Variants in SCAMP1 observed in about 807,000 individuals in gnomAD.
SCAMP1 encodes the protein secretory carrier-associated membrane protein 1.
Under a neutral mutation model 41.8 loss-of-function variants are expected in SCAMP1, and 15 were observed. That is an observed-to-expected ratio of 0.36 (90% CI 0.24 to 0.55). The LOEUF is 0.55. SCAMP1 is among the 20% of genes least tolerant of loss of function. SCAMP1 has a pLI of 0.86. For missense variants in SCAMP1, 341 were observed against 412.6 expected, an observed-to-expected ratio of 0.83 and a Z score of 1.50; for synonymous variants, 135 against 136.8, an observed-to-expected ratio of 0.99 and a Z score of 0.09.
In SCAMP1 at chr5:78,423,030, A is replaced by G. The variant is rs1277855268; in HGVS notation, c.632+1070A>G. 2.3e-4 allele frequency among the ~76,000 whole-genome samples: 14 copies of G among 59,994 alleles called. No homozygotes were observed. The East Asian group carries it at 3.1e-3, about 13-fold the overall frequency. The allele number at this position is 59,994 out of a possible 152,430, so 39.4% of individuals were successfully genotyped here. A position where few individuals can be genotyped will look rare whatever the true frequency, so the allele number is the denominator to read the frequency against. ...CACGCGCGCGCGCACACACACACAC[A>G]CACACACACACACACACACACAGAG... On this transcript the variant is annotated intron_variant, in intron 6 of 8. Coordinates refer to ENST00000621999, the MANE Select transcript of SCAMP1 (RefSeq NM_004866.6).
intron 1 of SCAMP1, among the ~76,000 whole-genome samples, chr5:78,377,430 G>T (rs1291738218): frequency 1.3e-5 from 2 of 152,166 alleles, no homozygotes; most frequent in Non-Finnish European, 2.9e-5. Context: ...ATGGGAATAG[G>T]ATTGGATTGA....
At chr5:78,465,905 A>G (rs560102730) in intron 8 of SCAMP1, among the ~76,000 whole-genome samples, 30 of 152,190 alleles carry the variant, frequency 2.0e-4, no homozygotes, top group Admixed American at 1.0e-3. Flanking sequence ...TGGATGGGGC[A>G]TACCCAGATA....
At chr5:78,454,652 G>A (rs1270221464) in intron 7 of SCAMP1, among the ~76,000 whole-genome samples, 1 of 151,444 alleles carries the variant, frequency 6.6e-6, no homozygotes, top group African/African-American at 2.4e-5. Flanking sequence ...CTCTTTTTTG[G>A]TTGTGTCTCT....
intron 6 of SCAMP1, among the ~76,000 whole-genome samples, chr5:78,422,688 T>C (rs1053723292): frequency 3.3e-5 from 5 of 152,234 alleles, no homozygotes; most frequent in African/African-American, 1.2e-4. Flanking sequence ...TTGTGCCTTA[T>C]GACTTGACCA....
Position 78,478,221 on chromosome 5 carries a change from AAG to A in SCAMP1, c.*2554_*2555del, listed in dbSNP as rs972763057. ...AATGTTGCATGTTTCAGTGGGTTGG[AAG>A]TTTTGTATATTTATTGTATTAACAC... On this transcript the variant is annotated 3_prime_UTR_variant, in exon 9 of 9. Coordinates refer to ENST00000621999, the MANE Select transcript of SCAMP1 (RefSeq NM_004866.6). 1.3e-5 allele frequency: 2 copies of A among 152,478 alleles called. No homozygotes were observed. Among genetic ancestry groups the A allele is most frequent in the Non-Finnish European group, 2.9e-5 (2 of 67,978 alleles). The allele number at this position is 152,478 out of a possible 1,614,324, so 9.4% of individuals were successfully genotyped here.
At chr5:78,411,020 A>G (rs535425888) in intron 2 of SCAMP1, among the ~76,000 whole-genome samples, 2 of 152,082 alleles carry the variant, frequency 1.3e-5, no homozygotes, top group African/African-American at 4.8e-5. Flanking sequence ...TAAGTTCCTT[A>G]TAGACTCTGG....
chr5:78,402,509 T>A (rs1399332938), intron 2 of SCAMP1, among the ~76,000 whole-genome samples: 1 of 152,180 alleles, frequency 6.6e-6, no homozygotes, highest in African/African-American at 2.4e-5. Context: ...TGTCATTAGG[T>A]GGATGTACAT....
chr5:78,403,679 G>A (rs1456507519), intron 2 of SCAMP1, among the ~76,000 whole-genome samples: 3 of 151,892 alleles, frequency 2.0e-5, no homozygotes, highest in Admixed American at 2.0e-4. Flanking sequence ...AATTAGCCAG[G>A]CATCAGCCTG....
intron 8 of SCAMP1, among the ~76,000 whole-genome samples, chr5:78,474,123 C>A (rs1304578490): frequency 6.6e-6 from 1 of 151,806 alleles, no homozygotes; most frequent in African/African-American, 2.4e-5. Context: ...AAGGCTGGGA[C>A]CATAGGTGTG....
At chr5:78,361,231 A>AT (rs1750641422) in intron 1 of SCAMP1, among the ~76,000 whole-genome samples, 1 of 85,998 alleles carries the variant, frequency 1.2e-5, no homozygotes, top group South Asian at 3.0e-4. Context: ...GTATGCTGCA[A>AT]TTAAAAAAAA....
At chr5:78,379,780 G>C (rs897937161) in intron 1 of SCAMP1, among the ~76,000 whole-genome samples, 14 of 152,174 alleles carry the variant, frequency 9.2e-5, no homozygotes, top group African/African-American at 3.4e-4. Context: ...AGTTGGACTC[G>C]TACTTCTGTG....
chr5:78,420,069 A>C (rs1375484501), intron 5 of SCAMP1, among the ~76,000 whole-genome samples: 1 of 151,818 alleles, frequency 6.6e-6, no homozygotes, highest in African/African-American at 2.4e-5. Context: ...ATTTTATTTT[A>C]TTTTGAGACA....
rs560337911 is a variant in SCAMP1, at chr5:78,475,374, T to C, written c.853-130T>C. The C allele has an allele frequency of 5.5e-6, 3 of 549,476 alleles. No homozygotes were observed. The South Asian group carries it at 1.6e-4, about 29-fold the overall frequency. 34.0% of individuals were successfully genotyped at this position (549,476 alleles called of 1,614,324 possible). On this transcript the variant is annotated intron_variant, in intron 8 of 8. Coordinates refer to ENST00000621999, the MANE Select transcript of SCAMP1 (RefSeq NM_004866.6). ...TATTGTGTGTCAGTTTGGTGGCTAA[T>C]ATTCTTGATCTTAGGAATCATGACT...
At position 78,479,838 on chromosome 5, in the gene SCAMP1, C is replaced by G. The variant is rs147576878; in HGVS notation, c.*4170C>G. Among the ~76,000 whole-genome samples, 6 of 151,856 alleles carry G rather than the reference C, an allele frequency of 4.0e-5. No homozygotes were observed. Among genetic ancestry groups the G allele is most frequent in the East Asian group, 1.9e-4 (1 of 5,174 alleles). On this transcript the variant is annotated 3_prime_UTR_variant, in exon 9 of 9. Transcript: ENST00000621999. ...TGGGCGGATCACGAGGTCAGGAGAT[C>G]GAAACCATCCTGGCTAACATGGTGA... is the stretch of plus-strand genomic sequence containing the variant.
At chr5:78,450,169 AT>A (rs1449362823) in intron 7 of SCAMP1, 135 bp downstream of exon 7, 1 of 583,714 alleles carries the variant, frequency 1.7e-6, no homozygotes, top group African/African-American at 2.0e-5. Flanking sequence ...TAAAAATACA[AT>A]TTTAAAATGT....
At chr5:78,468,336 A>T (rs1435792069) in intron 8 of SCAMP1, among the ~76,000 whole-genome samples, 1 of 152,182 alleles carries the variant, frequency 6.6e-6, no homozygotes, top group Admixed American at 6.6e-5. Context: ...TGGTGTTTTT[A>T]CAAAAGCTCC....
intron 6 of SCAMP1, among the ~76,000 whole-genome samples, chr5:78,449,274 G>C (rs1479716810): frequency 1.3e-5 from 2 of 152,030 alleles, no homozygotes; most frequent in African/African-American, 4.8e-5. Context: ...TGAATAAACT[G>C]TGGTATATTT....
In SCAMP1 at chr5:78,374,847, A is replaced by G. The variant is rs373256057; in HGVS notation, c.58-13990A>G. Among the ~76,000 whole-genome samples, 6 of 152,124 alleles carry G rather than the reference A, an allele frequency of 3.9e-5. No individual in the cohort carries two copies. The South Asian group carries it at 8.3e-4, about 21-fold the overall frequency. On this transcript the variant is annotated intron_variant, in intron 1 of 8. Transcript: ENST00000621999. ...AGACTGTTACGACCCTTGCCATGAT[A>G]TGAATTTTTCAAAATCATGATTTAT...
intron 2 of SCAMP1, among the ~76,000 whole-genome samples, chr5:78,411,197 A>G (rs557908217): frequency 2.0e-5 from 3 of 152,276 alleles, no homozygotes; most frequent in South Asian, 2.1e-4. Context: ...AGTTTTTGTC[A>G]TGAAATCTTT....
Sources: gnomAD v4.1 joint callset for allele counts (sites outside exome capture counted in the v4.1 genomes callset) on GRCh38, gnomAD v4.1.1 for gene constraint, MANE v1.5 for transcripts, NCBI Gene and HGNC (gene_info 2026-07-23, HGNC 2026-07-21) for gene names.